The following SLC22A23 variants were observed in gnomAD, a reference collection of about 807,000 sequenced individuals.
SLC22A23 encodes ion transporter protein.
Under a neutral mutation model 61.0 loss-of-function variants are expected in SLC22A23, and 26 were observed. That is an observed-to-expected ratio of 0.43 (90% confidence interval 0.31 to 0.59). The LOEUF (loss-of-function observed/expected upper bound fraction) is 0.59, where lower values mean the gene tolerates loss of function less well. Ranked by LOEUF, SLC22A23 falls within the 20% of genes least tolerant of loss-of-function variation. The pLI is 0.11. For missense variants in SLC22A23, 796 were observed against 934.7 expected, an observed-to-expected ratio of 0.85 and a Z score of 1.94; for synonymous variants, 430 against 413.9, an observed-to-expected ratio of 1.04 and a Z score of -0.47.
At chr6:3,273,510 C>T in intron 9 of SLC22A23, 98 bp from the exon 10 acceptor site, 2 of 1,334,664 alleles carry the variant, frequency 1.5e-6, no homozygotes, top group Middle Eastern at 2.6e-4. Flanking sequence ...CTGCAGGGGC[C>T]CTGCTGCCCT....
chr6:3,400,953 T>C (rs1457251294), intron 3 of SLC22A23, among the ~76,000 whole-genome samples: 3 of 152,240 alleles, frequency 2.0e-5, no homozygotes, highest in African/African-American at 7.2e-5. Context: ...CCAATTCCAT[T>C]TTTTTCTGCT....
intron 4 of SLC22A23, chr6:3,312,629 G>A (rs138526139): frequency 6.6e-6 from 1 of 152,260 alleles, no homozygotes; most frequent in East Asian, 1.9e-4. Context: ...CTGGCCATGT[G>A]GTCTGCCAGA....
At position 3,372,832 on chromosome 6, in the gene SLC22A23, C is replaced by A. The variant is rs1289480100; in HGVS notation, c.913+37356G>T. 6.6e-6 allele frequency among the ~76,000 whole-genome samples: 1 copy of A among 152,230 alleles called. No individual in the cohort carries two copies. Among genetic ancestry groups the A allele is most frequent in the African/African-American group, 2.4e-5 (1 of 41,448 alleles). ...AAATCTCTTTCTCTTCATTATATTTCATCGCCAAACATTTATGAAATACTT... is the reference window on the plus strand; with the variant it reads ...AAATCTCTTTCTCTTCATTATATTTAATCGCCAAACATTTATGAAATACTT... On this transcript the variant is annotated intron_variant, in intron 3 of 9. Coordinates refer to ENST00000406686, the MANE Select transcript of SLC22A23 (RefSeq NM_015482.2). The surrounding 1 kb of genome is among the most constrained non-coding windows in gnomAD (Gnocchi z 4.7).
At chr6:3,377,268 CCTAGT>C (rs1175465563) in intron 3 of SLC22A23, among the ~76,000 whole-genome samples, 1 of 152,060 alleles carries the variant, frequency 6.6e-6, no homozygotes, top group African/African-American at 2.4e-5. Flanking sequence ...TTTGCTGAGC[CCTAGT>C]CTAGTATTAT....
chr6:3,363,252 A>G (rs9378787), intron 3 of SLC22A23, among the ~76,000 whole-genome samples: 106,640 of 152,166 alleles, frequency 0.7, 37,616 homozygotes, highest in East Asian at 0.84. Flanking sequence ...TGGCTGGCCC[A>G]TCCTCACCAG....
intron 3 of SLC22A23, among the ~76,000 whole-genome samples, chr6:3,407,170 C>T (rs1391557648): frequency 1.3e-5 from 2 of 152,204 alleles, no homozygotes; most frequent in Non-Finnish European, 2.9e-5. Context: ...TAATCAATGT[C>T]CCAAAGTTTT....
At chr6:3,306,577 G>T (rs1761988405) in intron 4 of SLC22A23, among the ~76,000 whole-genome samples, 2 of 152,184 alleles carry the variant, frequency 1.3e-5, no homozygotes, top group Non-Finnish European at 2.9e-5. Context: ...AACCCAGACA[G>T]GCTGACTGGA....
intron 4 of SLC22A23, among the ~76,000 whole-genome samples, chr6:3,321,255 G>T (rs1762930377): frequency 6.6e-6 from 1 of 152,240 alleles, no homozygotes; most frequent in African/African-American, 2.4e-5. Flanking sequence ...GGCTCAGAGA[G>T]GTGTGAGGCA....
chr6:3,423,587 G>A (rs893963048), intron 1 of SLC22A23, among the ~76,000 whole-genome samples: 3 of 152,124 alleles, frequency 2.0e-5, no homozygotes, highest in Admixed American at 1.3e-4. Flanking sequence ...AAAGGAAGGA[G>A]GGAGTGGGGA....
chr6:3,359,758 C>T (rs935527319), intron 3 of SLC22A23, among the ~76,000 whole-genome samples: 8 of 152,152 alleles, frequency 5.3e-5, no homozygotes, highest in Non-Finnish European at 8.8e-5. Context: ...CCTATGTTCA[C>T]GGCAGCATAT....
chr6:3,352,356 C>T (rs1764823355), intron 3 of SLC22A23, among the ~76,000 whole-genome samples: 1 of 151,922 alleles, frequency 6.6e-6, no homozygotes, highest in South Asian at 2.1e-4. Context: ...CAGCCACAAA[C>T]ACAAGCACAT....
At position 3,271,878 on chromosome 6, in the gene SLC22A23, G is replaced by A. The variant is rs1404027641; in HGVS notation, c.*1177C>T. ...TTTCAATTTGTCTTGATGCCTTCGA[G>A]AGGCTGGAGGTCATTTGGACTCACC... On this transcript the variant is annotated 3_prime_UTR_variant, in exon 10 of 10. Coordinates refer to ENST00000406686, the MANE Select transcript of SLC22A23 (RefSeq NM_015482.2). 6.6e-6 allele frequency: 1 copy of A among 152,414 alleles called. No homozygotes were observed. The highest frequency in any genetic ancestry group is 1.5e-5 in the Non-Finnish European group (1 of 68,094). The allele number at this position is 152,414 out of a possible 1,614,324, so 9.4% of individuals were successfully genotyped here. A position where few individuals can be genotyped will look rare whatever the true frequency, so the allele number is the denominator to read the frequency against.
At chr6:3,425,450 A>G (rs572277619) in intron 1 of SLC22A23, among the ~76,000 whole-genome samples, 49 of 151,846 alleles carry the variant, frequency 3.2e-4, no homozygotes, top group African/African-American at 1.1e-3. Flanking sequence ...ACGCCCGGCT[A>G]ATTTTTTGTA....
rs368957561 is a variant in SLC22A23 at position 3,287,274 on chromosome 6, G to A, written c.1314-183C>T. On this transcript the variant is annotated intron_variant, in intron 6 of 9. Transcript: ENST00000406686. Reference sequence around the variant, plus strand: ...AGCCAATGCAAAAGAGGAGACGTGGGAGAAATATGGAATGCTTCTCCTGAT... The same window carrying A: ...AGCCAATGCAAAAGAGGAGACGTGGAAGAAATATGGAATGCTTCTCCTGAT... 1.6e-4 allele frequency among the ~76,000 whole-genome samples: 25 copies of A among 152,362 alleles called. 1 individual carries two copies. The East Asian group carries it at 1.9e-3, about 12-fold the overall frequency.
rs145000425 is a variant in SLC22A23, at chr6:3,287,455, AACAGCCACTGC to A, written c.1314-375_1314-365del. 6.9e-3 allele frequency among the ~76,000 whole-genome samples: 1,057 copies of A among 152,218 alleles called. 12 individuals are homozygous for A. Among genetic ancestry groups the A allele is most frequent in the African/African-American group, 0.024 (1,016 of 41,536 alleles). On this transcript the variant is annotated intron_variant, in intron 6 of 9. Transcript: ENST00000406686. Reference sequence around the variant, plus strand: ...CTCATTTAACCCAGGGCCGCAATCCAACAGCCACTGCACACCCACTTCACAGGGGCAGGGGG... The same window carrying A: ...CTCATTTAACCCAGGGCCGCAATCCAACACCCACTTCACAGGGGCAGGGGG...
chr6:3,397,232 A>G (rs1768072801), intron 3 of SLC22A23, among the ~76,000 whole-genome samples: 1 of 152,220 alleles, frequency 6.6e-6, no homozygotes, highest in African/African-American at 2.4e-5. Flanking sequence ...CCTAGGCCTC[A>G]GATTTCTGTT....
intron 1 of SLC22A23, among the ~76,000 whole-genome samples, chr6:3,418,843 C>T (rs758759531): frequency 2.6e-5 from 4 of 152,218 alleles, no homozygotes; most frequent in Admixed American, 6.5e-5. Flanking sequence ...GAGGCACCGC[C>T]GTTTAGCAGG....
At chr6:3,326,439 T>A (rs1763286815) in intron 3 of SLC22A23, among the ~76,000 whole-genome samples, 1 of 152,124 alleles carries the variant, frequency 6.6e-6, no homozygotes, top group African/African-American at 2.4e-5. Context: ...TGCATCTTAA[T>A]GAGCTCCCCA....
chr6:3,449,052 A>C (rs1203559271), intron 1 of SLC22A23, among the ~76,000 whole-genome samples: 1 of 152,234 alleles, frequency 6.6e-6, no homozygotes, highest in African/African-American at 2.4e-5. Context: ...TACATTAATA[A>C]GGGCCACTGC....
Sources: gnomAD v4.1 joint callset for allele counts (sites outside exome capture counted in the v4.1 genomes callset) on GRCh38, gnomAD v4.1.1 for gene constraint, Gnocchi (gnomAD v3.1) non-coding constraint, MANE v1.5 for transcripts, NCBI Gene and HGNC (gene_info 2026-07-23, HGNC 2026-07-21) for gene names.